The following TSG101 variants were observed in gnomAD, a reference collection of about 807,000 sequenced individuals.
TSG101 encodes the protein tumor susceptibility gene 101 protein.
TSG101 carries 19 observed loss-of-function variants against 48.5 expected under a neutral mutation model. The ratio of observed to expected loss-of-function variants is 0.39; its 90% CI spans 0.27 to 0.58. The LOEUF (loss-of-function observed/expected upper bound fraction) is 0.58. Ranked by LOEUF, TSG101 falls within the 20% of genes least tolerant of loss-of-function variation. The pLI, the probability that TSG101 is intolerant of heterozygous loss-of-function variation, is 0.55. For synonymous variants in TSG101, 174 were observed against 169.4 expected (o/e 1.03, Z -0.21); for missense variants, 365 against 484.4 (o/e 0.75, Z 2.31).
At chr11:18,484,997 C>T (rs377309935) in intron 7 of TSG101, among the ~76,000 whole-genome samples, 1 of 121,358 alleles carries the variant, frequency 8.2e-6, no homozygotes, top group East Asian at 2.5e-4. Context: ...GGAGTGCAGT[C>T]GCATGATCTC....
At chr11:18,519,085 C>G (rs1405999979) in intron 2 of TSG101, among the ~76,000 whole-genome samples, 3 of 152,098 alleles carry the variant, frequency 2.0e-5, no homozygotes, top group African/African-American at 7.2e-5. Flanking sequence ...ACTGCAACCT[C>G]TGCCTCCTGG....
In TSG101 at chr11:18,496,449, A is replaced by AC. The variant is rs1565085890; in HGVS notation, c.640+6036_640+6037insG. On this transcript the variant is annotated intron_variant, in intron 7 of 9. Transcript: ENST00000251968. ...AGAGCGAAACTCTGTCTCAAAAATA[A>AC]AATAAAATAAAATAAAATAAAATAA... Among the ~76,000 whole-genome samples, 76 of 24,144 alleles carry AC rather than the reference A, an allele frequency of 3.1e-3. 3 individuals are homozygous for AC. Among genetic ancestry groups the AC allele is most frequent in the African/African-American group, 5.9e-3 (65 of 11,044 alleles). 15.8% of individuals were successfully genotyped at this position (24,144 alleles called of 152,430 possible).
At chr11:18,500,203 T>C (rs996529792) in intron 7 of TSG101, among the ~76,000 whole-genome samples, 1 of 152,220 alleles carries the variant, frequency 6.6e-6, no homozygotes, top group African/African-American at 2.4e-5. Flanking sequence ...TACACATACC[T>C]CATTGTCTTT....
intron 7 of TSG101, among the ~76,000 whole-genome samples, chr11:18,490,070 TGA>T (rs77974643): frequency 0.16 from 24,742 of 152,136 alleles, 2,601 homozygotes; most frequent in East Asian, 0.41. Context: ...GTGACCAATC[TGA>T]GTTTTAGAAT....
At chr11:18,504,579 A>T (rs1849939272) in intron 6 of TSG101, among the ~76,000 whole-genome samples, 1 of 152,214 alleles carries the variant, frequency 6.6e-6, no homozygotes, top group Non-Finnish European at 1.5e-5. Context: ...CCTTTCTGAA[A>T]ACTGGGATAA....
rs986565037 is a variant in TSG101 at position 18,483,030 on chromosome 11, G to A, written c.843+840C>T. ...CTCACAGAAAGGGACCTGTGTGCGT[G>A]TGTGTGTGTGTGTAGCAGGGGGTGG... On this transcript the variant is annotated intron_variant, in intron 8 of 9. Coordinates refer to ENST00000251968, the MANE Select transcript of TSG101 (RefSeq NM_006292.4). Among the ~76,000 whole-genome samples, 4 of 107,284 alleles carry A rather than the reference G, an allele frequency of 3.7e-5. No homozygotes were observed. In the South Asian group the frequency reaches 1.9e-3, roughly 50 times the overall value. 70.4% of individuals were successfully genotyped at this position (107,284 alleles called of 152,430 possible).
At chr11:18,486,070 G>A (rs958863527) in intron 7 of TSG101, among the ~76,000 whole-genome samples, 9 of 152,212 alleles carry the variant, frequency 5.9e-5, no homozygotes, top group East Asian at 3.8e-4. Context: ...GTAAGAAGCC[G>A]CAGGACTCAG....
In TSG101 at chr11:18,506,844, C is replaced by T. The variant is rs751548169; in HGVS notation, c.548+13G>A. On this transcript the variant is annotated intron_variant, in intron 6 of 9. Transcript: ENST00000251968. ...TTTGTAATACAATTATTCAAAAGAACGTTTTTCATTACCTGGGATTGGGAG... is the reference window on the plus strand; with the variant it reads ...TTTGTAATACAATTATTCAAAAGAATGTTTTTCATTACCTGGGATTGGGAG... 125 of 1,564,910 alleles carry T rather than the reference C, an allele frequency of 8.0e-5. No homozygotes were observed. The East Asian group carries it at 1.0e-3, about 13-fold the overall frequency.
At chr11:18,503,258 A>C (rs754804545) in intron 6 of TSG101, among the ~76,000 whole-genome samples, 30 of 152,206 alleles carry the variant, frequency 2.0e-4, no homozygotes, top group Admixed American at 3.3e-4. Flanking sequence ...ATTTATAAAT[A>C]GGAGTCCTAA....
At chr11:18,519,302 G>C (rs1850230028) in intron 2 of TSG101, among the ~76,000 whole-genome samples, 1 of 151,990 alleles carries the variant, frequency 6.6e-6, no homozygotes. Flanking sequence ...CCACATCCAG[G>C]TACAGTATTT....
At chr11:18,523,373 ATTGAG>A (rs1455813587) in intron 1 of TSG101, among the ~76,000 whole-genome samples, 1 of 152,120 alleles carries the variant, frequency 6.6e-6, no homozygotes, top group East Asian at 1.9e-4. Flanking sequence ...TGATGTATTT[ATTGAG>A]TTGTTTATTG....
chr11:18,490,856 T>C (rs968958866), intron 7 of TSG101: 3 of 535,854 alleles, frequency 5.6e-6, no homozygotes, highest in Non-Finnish European at 1.1e-5. Context: ...GGAGTATTCA[T>C]GCCTCGTTCT....
chr11:18,514,607 A>C, intron 4 of TSG101, 71 bp downstream of exon 4: 1 of 1,332,906 alleles, frequency 7.5e-7, no homozygotes, highest in African/African-American at 1.5e-5. Flanking sequence ...CTTGAGTGCT[A>C]AAAGAAAGCA....
chr11:18,497,046 G>A (rs1590276135), intron 7 of TSG101, among the ~76,000 whole-genome samples: 4 of 151,868 alleles, frequency 2.6e-5, no homozygotes, highest in South Asian at 4.2e-4. Context: ...AGCCAAGATC[G>A]CGCCACTGCA....
intron 7 of TSG101, among the ~76,000 whole-genome samples, chr11:18,497,033 G>A (rs556410696): frequency 3.5e-4 from 53 of 152,240 alleles, no homozygotes; most frequent in African/African-American, 1.2e-3. Flanking sequence ...GGAGGTTGCA[G>A]TGAGCCAAGA....
At chr11:18,499,038 T>C (rs979941655) in intron 7 of TSG101, among the ~76,000 whole-genome samples, 2 of 150,730 alleles carry the variant, frequency 1.3e-5, no homozygotes, top group African/African-American at 4.9e-5. Flanking sequence ...TTTAGCAAAA[T>C]GGTATGAGAA....
At chr11:18,498,086 A>AG in intron 7 of TSG101, among the ~76,000 whole-genome samples, 1 of 141,732 alleles carries the variant, frequency 7.1e-6, no homozygotes. Flanking sequence ...GGGGGGTTGG[A>AG]GGGGGGATTG....
chr11:18,502,211 G>A (rs1849900071), intron 7 of TSG101, among the ~76,000 whole-genome samples: 1 of 152,144 alleles, frequency 6.6e-6, no homozygotes, highest in African/African-American at 2.4e-5. Flanking sequence ...GAAAATCTAT[G>A]TATCTGCTAA....
At position 18,501,928 on chromosome 11, in the gene TSG101, G is replaced by A. The variant is rs188564918; in HGVS notation, c.640+558C>T. On this transcript the variant is annotated intron_variant, in intron 7 of 9. Transcript: ENST00000251968. ...GAAATCAGCTTTAGATAGAAGCAAAGATAACCAACTTATGGTAACAGGGAG... is the reference window on the plus strand; with the variant it reads ...GAAATCAGCTTTAGATAGAAGCAAAAATAACCAACTTATGGTAACAGGGAG... 7.7e-3 allele frequency among the ~76,000 whole-genome samples: 1,166 copies of A among 152,324 alleles called. 7 individuals are homozygous for A. The highest frequency in any genetic ancestry group is 0.011 in the Non-Finnish European group (766 of 68,036).
Sources: gnomAD v4.1 joint callset for allele counts (sites outside exome capture counted in the v4.1 genomes callset) on GRCh38, gnomAD v4.1.1 for gene constraint, MANE v1.5 for transcripts, NCBI Gene and HGNC (gene_info 2026-07-23, HGNC 2026-07-21) for gene names.